The following PREX2 variants were observed in gnomAD, a reference collection of about 807,000 sequenced individuals.
The protein encoded by PREX2 is phosphatidylinositol 3,4,5-trisphosphate-dependent Rac exchanger 2 protein.
A neutral mutation model predicts 203.2 loss-of-function variants in PREX2; 107 were observed. The observed-to-expected ratio is 0.53, with a 90% CI of 0.45 to 0.62. The LOEUF (loss-of-function observed/expected upper bound fraction) is 0.62. Ranked by LOEUF, PREX2 falls within the 20% of genes least tolerant of loss-of-function variation. The probability of loss-of-function intolerance (pLI) is 0.00; values close to 1 mark genes in which losing one functional copy is unlikely to be tolerated. For synonymous variants in PREX2, 672 were observed against 663.6 expected (o/e 1.01, Z -0.19); for missense variants, 1,777 against 1,955.9 (o/e 0.91, Z 1.72).
intron 1 of PREX2, among the ~76,000 whole-genome samples, chr8:67,989,092 A>AC (rs1377196213): frequency 6.6e-6 from 1 of 151,826 alleles, no homozygotes; most frequent in Non-Finnish European, 1.5e-5. Context: ...TGAGTATGTG[A>AC]CCCCCAGTTT....
intron 1 of PREX2, among the ~76,000 whole-genome samples, chr8:67,959,472 A>G (rs1805574811): frequency 6.6e-6 from 1 of 152,194 alleles, no homozygotes; most frequent in Non-Finnish European, 1.5e-5. Flanking sequence ...TGGGTAAGGC[A>G]GATGAGCCTA....
intron 23 of PREX2, chr8:68,106,394 T>C (rs1810414104): frequency 2.1e-6 from 1 of 471,662 alleles, no homozygotes; most frequent in Non-Finnish European, 4.1e-6. Flanking sequence ...TTTCTCTAAA[T>C]TCCTTTCTTC....
rs754177163 is a variant in PREX2, at chr8:68,219,421, A to T, written c.4707+1703A>T. ...TAGTATTACTATATTGATGTGTATTATGTAAGTATAGTATAATTTTAAAAC... is the reference window on the plus strand; with the variant it reads ...TAGTATTACTATATTGATGTGTATTTTGTAAGTATAGTATAATTTTAAAAC... On this transcript the variant is annotated intron_variant, in intron 38 of 39. Transcript: ENST00000288368. 4.3e-4 allele frequency among the ~76,000 whole-genome samples: 65 copies of T among 152,168 alleles called. 1 individual carries two copies. The highest frequency in any genetic ancestry group is 5.1e-4 in the Non-Finnish European group (35 of 68,032).
At chr8:67,991,146 C>A (rs971141287) in intron 1 of PREX2, among the ~76,000 whole-genome samples, 1 of 152,070 alleles carries the variant, frequency 6.6e-6, no homozygotes, top group Non-Finnish European at 1.5e-5. Context: ...TCCCTGAAAC[C>A]CCATAAACTA....
intron 15 of PREX2, among the ~76,000 whole-genome samples, chr8:68,078,631 T>G (rs1809421710): frequency 6.6e-6 from 1 of 152,154 alleles, no homozygotes; most frequent in African/African-American, 2.4e-5. Flanking sequence ...TTGGGGGAAA[T>G]TCCATCCTGT....
At chr8:68,201,326 G>T (rs1563585273) in intron 37 of PREX2, among the ~76,000 whole-genome samples, 2 of 152,000 alleles carry the variant, frequency 1.3e-5, no homozygotes, top group South Asian at 4.1e-4. Flanking sequence ...TTTGTATTAG[G>T]GTTCTCTAGA....
At chr8:68,199,683 G>A (rs34871007) in intron 37 of PREX2, among the ~76,000 whole-genome samples, 2,881 of 152,232 alleles carry the variant, frequency 0.019, 43 homozygotes, top group Middle Eastern at 0.041. Context: ...TATAAGCAAT[G>A]TAAAAAATCT....
intron 35 of PREX2, among the ~76,000 whole-genome samples, chr8:68,187,720 A>T (rs2129614564): frequency 6.6e-6 from 1 of 152,318 alleles, no homozygotes; most frequent in South Asian, 2.1e-4. Flanking sequence ...CAGCTTTGAG[A>T]TGCCGCCTCT....
chr8:68,198,157 A>G (rs1179642012), intron 37 of PREX2, among the ~76,000 whole-genome samples: 4 of 152,176 alleles, frequency 2.6e-5, no homozygotes, highest in Non-Finnish European at 4.4e-5. Flanking sequence ...AGGCACTTTC[A>G]CCCTTGCCAT....
At chr8:67,958,850 A>C (rs953413158) in intron 1 of PREX2, among the ~76,000 whole-genome samples, 3 of 152,212 alleles carry the variant, frequency 2.0e-5, no homozygotes, top group African/African-American at 4.8e-5. Context: ...ATTGGAATGC[A>C]GGGGACAGAA....
At chr8:68,128,107 A>G (rs1370594455) in intron 31 of PREX2, among the ~76,000 whole-genome samples, 1 of 152,226 alleles carries the variant, frequency 6.6e-6, no homozygotes, top group Non-Finnish European at 1.5e-5. Flanking sequence ...AATAGATCGT[A>G]AAGATTGGGA....
At chr8:68,119,290 CTT>C (rs2129613075) in intron 27 of PREX2, 140 bp from the exon 28 acceptor site, 1 of 570,892 alleles carries the variant, frequency 1.8e-6, no homozygotes, top group South Asian at 2.6e-5. Flanking sequence ...TTTTGGAACT[CTT>C]TCTCTGAACA....
chr8:68,181,881 G>C (rs1812092179), intron 35 of PREX2, among the ~76,000 whole-genome samples: 1 of 152,036 alleles, frequency 6.6e-6, no homozygotes, highest in Admixed American at 6.6e-5. Flanking sequence ...CTGTTTTCAA[G>C]GTACTTATGG....
chr8:68,118,848 C>A, intron 27 of PREX2: 1 of 705,344 alleles, frequency 1.4e-6, no homozygotes, highest in African/African-American at 1.7e-5. Flanking sequence ...AGTTAAAAAG[C>A]AATGAAATAA....
At chr8:68,062,965 T>A (rs1302128458) in intron 11 of PREX2, among the ~76,000 whole-genome samples, 1 of 152,174 alleles carries the variant, frequency 6.6e-6, no homozygotes, top group East Asian at 1.9e-4. Flanking sequence ...ATTTGCTGAA[T>A]GAATGAATAA....
At chr8:68,198,951 G>A (rs900330337) in intron 37 of PREX2, among the ~76,000 whole-genome samples, 4 of 152,238 alleles carry the variant, frequency 2.6e-5, no homozygotes, top group Non-Finnish European at 4.4e-5. Context: ...TGAATAGTGT[G>A]TGATGTCTTC....
chr8:68,085,506 A>T (rs1374225574), intron 18 of PREX2, among the ~76,000 whole-genome samples: 1 of 152,226 alleles, frequency 6.6e-6, no homozygotes, highest in Non-Finnish European at 1.5e-5. Context: ...TGAGAGATAA[A>T]TGCAAAAGAA....
rs570812720 is a variant in PREX2 at position 68,092,979 on chromosome 8, T to G, written c.2251-626T>G. 2.6e-5 allele frequency among the ~76,000 whole-genome samples: 4 copies of G among 152,258 alleles called. No individual in the cohort carries two copies. In the East Asian group the frequency reaches 7.7e-4, roughly 29 times the overall value. On this transcript the variant is annotated intron_variant, in intron 20 of 39. Transcript: ENST00000288368. Reference sequence around the variant, plus strand: ...ACATTTGATTATTTTAAAATGTGATTTATAACTTACTTACGATATACTTGA... The same window carrying G: ...ACATTTGATTATTTTAAAATGTGATGTATAACTTACTTACGATATACTTGA...
chr8:68,025,041 T>C (rs1585715135), intron 4 of PREX2, among the ~76,000 whole-genome samples: 1 of 152,190 alleles, frequency 6.6e-6, no homozygotes, highest in East Asian at 1.9e-4. Flanking sequence ...TTGCTTTCTA[T>C]ATTTTTCTAC....
Sources: gnomAD v4.1 joint callset for allele counts (sites outside exome capture counted in the v4.1 genomes callset) on GRCh38, gnomAD v4.1.1 for gene constraint, MANE v1.5 for transcripts, NCBI Gene and HGNC (gene_info 2026-07-23, HGNC 2026-07-21) for gene names.